The following SLC2A13 variants were observed in gnomAD, a reference collection of about 807,000 sequenced individuals.
SLC2A13 encodes the protein solute carrier family 2 member 13, also known as proton myo-inositol cotransporter.
SLC2A13 carries 32 observed loss-of-function variants against 64.4 expected under a neutral mutation model. The ratio of observed to expected loss-of-function variants is 0.50; its 90% CI spans 0.37 to 0.67. The LOEUF is 0.67. Ranked by LOEUF, SLC2A13 falls within the 30% of genes least tolerant of loss-of-function variation. SLC2A13 has a pLI of 0.00. For synonymous variants in SLC2A13, 338 were observed against 327.1 expected, an observed-to-expected ratio of 1.03 and a Z score of -0.36; for missense variants, 743 against 829.2, an observed-to-expected ratio of 0.90 and a Z score of 1.28.
chr12:39,869,078 A>G (rs948113853), intron 5 of SLC2A13, among the ~76,000 whole-genome samples: 3 of 152,222 alleles, frequency 2.0e-5, no homozygotes, highest in Non-Finnish European at 2.9e-5. Flanking sequence ...AAGAAATTTA[A>G]CATAGAACCG....
At chr12:40,099,023 C>T (rs1034331549) in intron 1 of SLC2A13, among the ~76,000 whole-genome samples, 1 of 152,214 alleles carries the variant, frequency 6.6e-6, no homozygotes, top group African/African-American at 2.4e-5. Flanking sequence ...GCTCCTGCCA[C>T]GTGGCCTTGG....
At chr12:39,835,240 G>A (rs1942974358) in intron 6 of SLC2A13, among the ~76,000 whole-genome samples, 1 of 151,970 alleles carries the variant, frequency 6.6e-6, no homozygotes, top group Admixed American at 6.6e-5. Flanking sequence ...TCTATCTCAA[G>A]AGCACACATT....
chr12:39,809,293 C>A (rs1942074135), intron 7 of SLC2A13, among the ~76,000 whole-genome samples: 1 of 152,172 alleles, frequency 6.6e-6, no homozygotes, highest in African/African-American at 2.4e-5. Context: ...ACCAACATCA[C>A]ATTGTCTGGA....
chr12:39,977,063 T>C (rs536512705), intron 3 of SLC2A13, among the ~76,000 whole-genome samples: 1 of 152,316 alleles, frequency 6.6e-6, no homozygotes, highest in African/African-American at 2.4e-5. Flanking sequence ...TCATAGAGTT[T>C]GACATCTATG....
intron 7 of SLC2A13, among the ~76,000 whole-genome samples, chr12:39,805,489 G>T (rs1332075919): frequency 7.1e-6 from 1 of 141,756 alleles, no homozygotes; most frequent in African/African-American, 2.7e-5. Flanking sequence ...ATTATACTCT[G>T]TCTCTTAGGT....
At chr12:39,904,924 A>G (rs1179789779) in intron 4 of SLC2A13, among the ~76,000 whole-genome samples, 5 of 152,104 alleles carry the variant, frequency 3.3e-5, no homozygotes, top group African/African-American at 1.2e-4. Context: ...GTACATGCAC[A>G]CACACATAAG....
intron 7 of SLC2A13, among the ~76,000 whole-genome samples, chr12:39,828,895 A>G (rs1361146671): frequency 6.6e-6 from 1 of 152,142 alleles, no homozygotes; most frequent in African/African-American, 2.4e-5. Flanking sequence ...TATTTCTTTT[A>G]CATATTTCTT....
rs1939263615 is a variant in SLC2A13, at chr12:40,105,127, G to A, written c.556+126C>T. 2.9e-6 allele frequency: 4 copies of A among 1,398,816 alleles called. No individual in the cohort carries two copies. Among genetic ancestry groups the A allele is most frequent in the Non-Finnish European group, 3.7e-6 (4 of 1,082,378 alleles). 86.7% of individuals were successfully genotyped at this position (1,398,816 alleles called of 1,614,324 possible). A position where few individuals can be genotyped will look rare whatever the true frequency, so the allele number is the denominator to read the frequency against. ...AAACAGATGGGCTCTGGAGGCCAGAGAAGTGGAGGATTCTCTGACCCTGGG... is the reference window on the plus strand; with the variant it reads ...AAACAGATGGGCTCTGGAGGCCAGAAAAGTGGAGGATTCTCTGACCCTGGG... On this transcript the variant is annotated intron_variant, in intron 1 of 9. Transcript: ENST00000280871. The surrounding 1 kb of genome is among the most constrained non-coding windows in gnomAD (Gnocchi z 4.2).
At chr12:40,081,876 C>T (rs536525877) in intron 1 of SLC2A13, among the ~76,000 whole-genome samples, 1 of 152,068 alleles carries the variant, frequency 6.6e-6, no homozygotes, top group Admixed American at 6.6e-5. Context: ...TCTTTGATGC[C>T]CTTGAGGGTT....
intron 3 of SLC2A13, among the ~76,000 whole-genome samples, chr12:39,952,746 G>T (rs947334222): frequency 1.3e-5 from 2 of 152,096 alleles, no homozygotes; most frequent in African/African-American, 2.4e-5. Context: ...ATGTCAAATT[G>T]CCTTAGATTC....
At chr12:39,995,843 G>A (rs1947219352) in intron 3 of SLC2A13, among the ~76,000 whole-genome samples, 1 of 152,178 alleles carries the variant, frequency 6.6e-6, no homozygotes, top group Non-Finnish European at 1.5e-5. Context: ...TGCACAAGCT[G>A]CCGCTCTTTG....
At chr12:39,849,625 T>C (rs1943413621) in intron 6 of SLC2A13, among the ~76,000 whole-genome samples, 1 of 152,184 alleles carries the variant, frequency 6.6e-6, no homozygotes, top group Non-Finnish European at 1.5e-5. Context: ...CTTCTTTGTT[T>C]AGTGCTACAA....
intron 1 of SLC2A13, among the ~76,000 whole-genome samples, chr12:40,093,294 C>T (rs1486262739): frequency 1.3e-5 from 2 of 152,180 alleles, no homozygotes; most frequent in Non-Finnish European, 2.9e-5. Flanking sequence ...ATCCACTACA[C>T]AAATTTCCTA....
At position 39,815,016 on chromosome 12, in the gene SLC2A13, G is replaced by A. The variant is rs548591073; in HGVS notation, c.1445+15087C>T. Among the ~76,000 whole-genome samples the A allele has an allele frequency of 5.9e-5, 9 of 151,440 alleles. No individual in the cohort carries two copies. In the South Asian group the frequency reaches 1.9e-3, roughly 32 times the overall value. On this transcript the variant is annotated intron_variant, in intron 7 of 9. Transcript: ENST00000280871. ...TTTGACTTTCTCAGTGATCTTAGAT[G>A]GTAAGCAAGATCTAGTGTTATTACT...
At chr12:40,026,693 A>G (rs936801391) in intron 3 of SLC2A13, among the ~76,000 whole-genome samples, 2 of 152,346 alleles carry the variant, frequency 1.3e-5, no homozygotes, top group South Asian at 4.1e-4. Context: ...CAGGCTCTAA[A>G]TAGTATTTAA....
chr12:40,003,886 G>C (rs1947361758), intron 3 of SLC2A13, among the ~76,000 whole-genome samples: 1 of 151,822 alleles, frequency 6.6e-6, no homozygotes, highest in Non-Finnish European at 1.5e-5. Flanking sequence ...TCAGCTACTT[G>C]GGAGGCTGAG....
At chr12:40,069,395 C>T (rs1042203351) in intron 1 of SLC2A13, among the ~76,000 whole-genome samples, 2 of 151,686 alleles carry the variant, frequency 1.3e-5, no homozygotes, top group Non-Finnish European at 2.9e-5. Context: ...CTTTTGCATC[C>T]ACTCAATAAA....
chr12:39,907,540 A>T (rs1380252206), intron 4 of SLC2A13: 2 of 152,154 alleles, frequency 1.3e-5, no homozygotes, highest in African/African-American at 4.8e-5. Context: ...CTAATATAGA[A>T]TCTGCCCATA....
intron 3 of SLC2A13, among the ~76,000 whole-genome samples, chr12:39,986,605 T>C (rs1413346975): frequency 6.6e-6 from 1 of 151,602 alleles, no homozygotes; most frequent in Non-Finnish European, 1.5e-5. Flanking sequence ...CTGATTGCTA[T>C]AAAACTTTCT....
Sources: gnomAD v4.1 joint callset for allele counts (sites outside exome capture counted in the v4.1 genomes callset) on GRCh38, gnomAD v4.1.1 for gene constraint, Gnocchi (gnomAD v3.1) non-coding constraint, MANE v1.5 for transcripts, NCBI Gene and HGNC (gene_info 2026-07-23, HGNC 2026-07-21) for gene names.